Variants in CTNNA2 observed in about 807,000 individuals in gnomAD.
CTNNA2 encodes the protein catenin alpha 2, also known as catenin alpha-2.
CTNNA2 carries 42 observed loss-of-function variants against 101.0 expected under a neutral mutation model. The ratio of observed to expected loss-of-function variants is 0.42; its 90% CI spans 0.32 to 0.54. The LOEUF is 0.54. Among genes scored for constraint, CTNNA2 ranks in the 20% least tolerant of loss-of-function variants. The pLI is 0.14. For missense variants in CTNNA2, 871 were observed against 1,223.1 expected (o/e 0.71, Z 4.29); for synonymous variants, 450 against 456.4 (o/e 0.99, Z 0.18).
chr2:79,418,820 AT>A (rs2104499842), intron 4 of CTNNA2, among the ~76,000 whole-genome samples: 1 of 152,266 alleles, frequency 6.6e-6, no homozygotes, highest in East Asian at 1.9e-4. Flanking sequence ...ATAAATCTAA[AT>A]GCTCCCTAGA....
chr2:80,542,509 CTT>C (rs931744394), intron 9 of CTNNA2, among the ~76,000 whole-genome samples: 14 of 151,820 alleles, frequency 9.2e-5, no homozygotes, highest in African/African-American at 3.4e-4. Context: ...GGTTGTCACT[CTT>C]TCTTTTTTTA....
intron 7 of CTNNA2, among the ~76,000 whole-genome samples, chr2:80,232,368 T>A (rs1396581881): frequency 1.7e-5 from 1 of 59,846 alleles, no homozygotes; most frequent in Non-Finnish European, 5.6e-5. Context: ...TTTTTTTTTT[T>A]TTTTTTTTTT....
intron 7 of CTNNA2, among the ~76,000 whole-genome samples, chr2:80,002,361 G>A (rs1001581610): frequency 6.6e-6 from 1 of 152,134 alleles, no homozygotes; most frequent in South Asian, 2.1e-4. Flanking sequence ...ATGTCCTCAG[G>A]CAAGAGGGAC....
At chr2:80,091,858 A>G (rs1225714602) in intron 7 of CTNNA2, among the ~76,000 whole-genome samples, 1 of 152,128 alleles carries the variant, frequency 6.6e-6, no homozygotes, top group Non-Finnish European at 1.5e-5. Flanking sequence ...TTCCTAATCA[A>G]TTTATGCAAA....
chr2:79,822,203 TG>T (rs1175414126), intron 3 of CTNNA2, among the ~76,000 whole-genome samples: 1 of 151,948 alleles, frequency 6.6e-6, no homozygotes, highest in Non-Finnish European at 1.5e-5. Flanking sequence ...TTTTAATTTT[TG>T]GTTAGTGATT....
chr2:80,501,104 G>A (rs1687849096), intron 9 of CTNNA2, among the ~76,000 whole-genome samples: 2 of 152,186 alleles, frequency 1.3e-5, no homozygotes, highest in South Asian at 4.1e-4. Flanking sequence ...CTACTTAATG[G>A]AAAACTGAAT....
At chr2:79,481,234 G>A (rs1243055313) in intron 4 of CTNNA2, among the ~76,000 whole-genome samples, 1 of 152,058 alleles carries the variant, frequency 6.6e-6, no homozygotes, top group African/African-American at 2.4e-5. Flanking sequence ...TCTGAGGAAG[G>A]TGCCTCTAAA....
Position 80,627,605 on chromosome 2 carries a change from T to C in CTNNA2, c.2574+8377T>C, listed in dbSNP as rs183076965. On this transcript the variant is annotated intron_variant, in intron 18 of 18. Coordinates refer to ENST00000402739, the MANE Select transcript of CTNNA2 (RefSeq NM_001282597.3). ...TAAGTTCTTTGTAGGTTCTGAATAT[T>C]AGCCCTTTGTCAGATGGATAGATTG... 1.3e-3 allele frequency among the ~76,000 whole-genome samples: 192 copies of C among 152,290 alleles called. 5 individuals are homozygous for C. The highest frequency in any genetic ancestry group is 0.012 in the Admixed American group (190 of 15,292).
At chr2:79,824,665 G>A (rs1341164403) in intron 3 of CTNNA2, among the ~76,000 whole-genome samples, 1 of 151,996 alleles carries the variant, frequency 6.6e-6, no homozygotes, top group Non-Finnish European at 1.5e-5. Context: ...TTTAAATGTA[G>A]AATATTCTAG....
chr2:80,165,606 C>T (rs1704628587), intron 7 of CTNNA2, among the ~76,000 whole-genome samples: 1 of 152,114 alleles, frequency 6.6e-6, no homozygotes, highest in Non-Finnish European at 1.5e-5. Flanking sequence ...ACTCCCATTG[C>T]TGCTGGAAAG....
At chr2:80,180,394 TC>T (rs1308701052) in intron 7 of CTNNA2, among the ~76,000 whole-genome samples, 2 of 152,210 alleles carry the variant, frequency 1.3e-5, no homozygotes, top group Non-Finnish European at 2.9e-5. Context: ...GCTGTCAATT[TC>T]AGTTCTAGGA....
intron 1 of CTNNA2, among the ~76,000 whole-genome samples, chr2:79,555,301 C>G (rs557717711): frequency 1.3e-5 from 2 of 152,240 alleles, no homozygotes; most frequent in South Asian, 4.1e-4. Flanking sequence ...AGAAAACACC[C>G]AGTAGTCCCC....
intron 2 of CTNNA2, among the ~76,000 whole-genome samples, chr2:79,705,421 A>T (rs561645761): frequency 6.6e-6 from 1 of 152,130 alleles, no homozygotes; most frequent in Non-Finnish European, 1.5e-5. Flanking sequence ...TAATTTAGAA[A>T]TTAAACTTTA....
intron 4 of CTNNA2, among the ~76,000 whole-genome samples, chr2:79,495,832 A>G (rs1461662002): frequency 2.6e-5 from 4 of 152,214 alleles, no homozygotes; most frequent in African/African-American, 9.6e-5. Context: ...ATCAACCTTG[A>G]AAATATTCGA....
intron 2 of CTNNA2, among the ~76,000 whole-genome samples, chr2:79,257,027 C>T (rs144510933): frequency 2.0e-4 from 31 of 152,194 alleles, no homozygotes; most frequent in Admixed American, 6.5e-4. Context: ...GGATCTATTT[C>T]GAAGTAATCT....
chr2:80,094,912 A>G (rs531434976), intron 7 of CTNNA2, among the ~76,000 whole-genome samples: 5 of 152,306 alleles, frequency 3.3e-5, no homozygotes, highest in East Asian at 1.9e-4. Context: ...GGGTGAGACA[A>G]TGGGGTTTTC....
chr2:79,851,120 T>C (rs1218886764), intron 3 of CTNNA2, among the ~76,000 whole-genome samples: 1 of 152,210 alleles, frequency 6.6e-6, no homozygotes, highest in African/African-American at 2.4e-5. Flanking sequence ...CACTTATTTC[T>C]TCCAAGAAAA....
Position 79,249,724 on chromosome 2 carries a change from T to C in CTNNA2, c.-406+51648T>C, listed in dbSNP as rs148697061. Among the ~76,000 whole-genome samples the C allele has an allele frequency of 2.0e-3, 302 of 152,340 alleles. 2 individuals are homozygous for C. Among genetic ancestry groups the C allele is most frequent in the South Asian group, 7.7e-3 (37 of 4,832 alleles). On this transcript the variant is annotated intron_variant, in intron 2 of 21. Coordinates refer to the CTNNA2 transcript ENST00000466387. ...ATCCCTTTTTAACCTGATTTTACTC[T>C]CTTTTTATTTATTCCATACAGAGAA...
chr2:80,277,024 G>A (rs1011710030), intron 7 of CTNNA2, among the ~76,000 whole-genome samples: 1 of 152,148 alleles, frequency 6.6e-6, no homozygotes, highest in African/African-American at 2.4e-5. Context: ...ACAAACTGAA[G>A]AAAAATTTGG....
Sources: allele counts gnomAD v4.1 joint callset (sites outside exome capture counted in the v4.1 genomes callset), GRCh38; gene constraint gnomAD v4.1.1; transcripts MANE v1.5; gene names NCBI Gene and HGNC (gene_info 2026-07-23, HGNC 2026-07-21).